The following IL10RB variants were observed in gnomAD, a reference collection of about 807,000 sequenced individuals.
IL10RB encodes interleukin 10 receptor subunit beta.
IL10RB carries 30 observed loss-of-function variants against 38.7 expected under a neutral mutation model. The ratio of observed to expected loss-of-function variants is 0.78; its 90% CI spans 0.58 to 1.05. The LOEUF (loss-of-function observed/expected upper bound fraction) is 1.05. Ranked by LOEUF, IL10RB falls within the 50% of genes least tolerant of loss-of-function variation. IL10RB has a pLI of 0.00. For missense variants in IL10RB, 328 were observed against 397.1 expected, an observed-to-expected ratio of 0.83 and a Z score of 1.48; for synonymous variants, 142 against 145.9, an observed-to-expected ratio of 0.97 and a Z score of 0.19.
At chr21:33,290,978 TGAGG>T (rs1035727402) in intron 6 of IL10RB, among the ~76,000 whole-genome samples, 1 of 152,168 alleles carries the variant, frequency 6.6e-6, no homozygotes, top group African/African-American at 2.4e-5. Flanking sequence ...TTGGAGGCTG[TGAGG>T]GAGGATCTGT....
At chr21:33,280,001 C>A in intron 4 of IL10RB, 83 bp downstream of exon 4, 1 of 1,237,980 alleles carries the variant, frequency 8.1e-7, no homozygotes, top group Non-Finnish European at 1.2e-6. Context: ...ACCTTATGGA[C>A]TGGTCCTCTG....
intron 6 of IL10RB, among the ~76,000 whole-genome samples, chr21:33,292,041 T>A (rs1224486964): frequency 6.6e-6 from 1 of 152,178 alleles, no homozygotes; most frequent in Admixed American, 6.5e-5. Context: ...CTGCTGTCTA[T>A]GATACATGCT....
chr21:33,273,130 G>A (rs8178463), intron 2 of IL10RB, among the ~76,000 whole-genome samples: 2,806 of 152,216 alleles, frequency 0.018, 79 homozygotes, highest in African/African-American at 0.064. Flanking sequence ...GTGTAGCCTC[G>A]TATACACCTA....
chr21:33,306,557 G>A lies in IL10RB; in HGVS notation c.130-2419G>A, dbSNP rs1420757738. The stretch of plus-strand genomic sequence containing the variant: ...AGCAGAATGTGAATTTACATCATTG[G>A]GTTTTTGGGGGGTGGGGTTGTTTGG... On this transcript the variant is annotated intron_variant, in intron 1 of 1. Coordinates refer to the IL10RB transcript ENST00000609556. Among the ~76,000 whole-genome samples, 7 of 152,096 alleles carry A rather than the reference G, an allele frequency of 4.6e-5. No individual in the cohort carries two copies. The East Asian group carries it at 1.3e-3, about 29-fold the overall frequency.
At chr21:33,289,149 G>C (rs8178531) in intron 6 of IL10RB, among the ~76,000 whole-genome samples, 1 of 152,176 alleles carries the variant, frequency 6.6e-6, no homozygotes, top group Non-Finnish European at 1.5e-5. Flanking sequence ...TTGGCCATGC[G>C]CTGGATGTGG....
At chr21:33,291,950 G>C (rs1433230994) in intron 6 of IL10RB, among the ~76,000 whole-genome samples, 2 of 152,188 alleles carry the variant, frequency 1.3e-5, no homozygotes, top group African/African-American at 2.4e-5. Flanking sequence ...CTGTGTTCAT[G>C]AGCCCTGTGC....
chr21:33,309,525 A>G (rs1000103075), exon 2 of IL10RB: 4 of 152,176 alleles, frequency 2.6e-5, no homozygotes, highest in Non-Finnish European at 4.4e-5. Context: ...CTGAGAAACA[A>G]TTTATACTAC....
intron 2 of IL10RB, among the ~76,000 whole-genome samples, chr21:33,272,012 T>C (rs1446921783): frequency 1.3e-5 from 2 of 151,872 alleles, no homozygotes; most frequent in Non-Finnish European, 2.9e-5. Flanking sequence ...AAAAAAAATA[T>C]GGCCACATGT....
At chr21:33,294,963 A>G (rs1989562321) in intron 6 of IL10RB, among the ~76,000 whole-genome samples, 1 of 152,230 alleles carries the variant, frequency 6.6e-6, no homozygotes, top group South Asian at 2.1e-4. Flanking sequence ...CAGGTGACAC[A>G]AACTGAGAAG....
At chr21:33,305,781 G>A (rs1056647378) in intron 1 of IL10RB, among the ~76,000 whole-genome samples, 11 of 152,260 alleles carry the variant, frequency 7.2e-5, no homozygotes, top group Admixed American at 3.3e-4. Context: ...CCCACTGGTG[G>A]AACCCACCCA....
At chr21:33,293,020 C>T (rs936344495) in intron 6 of IL10RB, among the ~76,000 whole-genome samples, 4 of 152,228 alleles carry the variant, frequency 2.6e-5, no homozygotes, top group African/African-American at 9.6e-5. Flanking sequence ...GAGGCCTCCA[C>T]AGCACAATGC....
intron 6 of IL10RB, among the ~76,000 whole-genome samples, chr21:33,293,437 G>A (rs1989527949): frequency 6.6e-6 from 1 of 152,178 alleles, no homozygotes; most frequent in South Asian, 2.1e-4. Context: ...CCACAAAAGG[G>A]ATCTGGGCAA....
chr21:33,307,643 C>T (rs1278894728), intron 1 of IL10RB, among the ~76,000 whole-genome samples: 2 of 152,168 alleles, frequency 1.3e-5, no homozygotes, highest in African/African-American at 2.4e-5. Context: ...TGTCTCAGAG[C>T]CCGTGCATAT....
intron 2 of IL10RB, among the ~76,000 whole-genome samples, chr21:33,272,440 TTTAAA>T (rs1413448509): frequency 2.0e-5 from 3 of 152,082 alleles, no homozygotes; most frequent in Admixed American, 2.0e-4. Context: ...TTTATAAATT[TTTAAA>T]TTAAATTAAA....
chr21:33,292,714 G>A (rs549495967), intron 6 of IL10RB, among the ~76,000 whole-genome samples: 29 of 152,264 alleles, frequency 1.9e-4, no homozygotes, highest in African/African-American at 6.5e-4. Context: ...TCGTATCTAT[G>A]TTGTGACTTT....
chr21:33,270,621 G>A (rs557335607), intron 2 of IL10RB, among the ~76,000 whole-genome samples: 12 of 151,018 alleles, frequency 7.9e-5, no homozygotes, highest in South Asian at 2.1e-4. Context: ...TGATCCACCC[G>A]CCTTGGCTTC....
intron 6 of IL10RB, among the ~76,000 whole-genome samples, chr21:33,290,924 C>T (rs1601837037): frequency 6.6e-6 from 1 of 152,206 alleles, no homozygotes; most frequent in Admixed American, 6.5e-5. Context: ...TCACGGTTCT[C>T]GAGGCCAGAC....
intron 3 of IL10RB, among the ~76,000 whole-genome samples, chr21:33,277,836 A>C (rs1322651802): frequency 6.0e-5 from 9 of 150,464 alleles, no homozygotes; most frequent in Non-Finnish European, 1.3e-4. Context: ...TGCCCAGCTA[A>C]ATTTTTTTGT....
intron 1 of IL10RB, among the ~76,000 whole-genome samples, chr21:33,306,527 A>T (rs1224169191): frequency 1.3e-5 from 2 of 152,166 alleles, no homozygotes; most frequent in Non-Finnish European, 2.9e-5. Flanking sequence ...TATAATAGTT[A>T]TCTGAGCAGA....
Sources: allele counts gnomAD v4.1 joint callset (sites outside exome capture counted in the v4.1 genomes callset), GRCh38; gene constraint gnomAD v4.1.1; transcripts MANE v1.5; gene names NCBI Gene and HGNC (gene_info 2026-07-23, HGNC 2026-07-21).